Variants in DCAF8 observed in about 807,000 individuals in gnomAD.
The protein encoded by DCAF8 is DDB1- and CUL4-associated factor 8.
In DCAF8, 20 loss-of-function variants were observed where a neutral mutation model predicts 68.0. The ratio of observed to expected loss-of-function variants is 0.29; its 90% CI spans 0.21 to 0.43. The LOEUF (loss-of-function observed/expected upper bound fraction) is 0.43, where lower values mean the gene tolerates loss of function less well. DCAF8 is among the 20% of genes least tolerant of loss of function. The pLI, the probability that DCAF8 is intolerant of heterozygous loss-of-function variation, is 1.00. For synonymous variants in DCAF8, 230 were observed against 276.9 expected (o/e 0.83, Z 1.68); for missense variants, 460 against 771.0 (o/e 0.60, Z 4.78).
chr1:160,262,239 A>AG lies in DCAF8; in HGVS notation c.-101+209dup, dbSNP rs200282728. ...CTTAGGGGAAACCGGCTGGGAAGCG[A>AG]GGGGGGGCGCAGGCCGAGCCGGAAC... On this transcript the variant is annotated intron_variant, in intron 1 of 13. Transcript: ENST00000368074. 3.3e-3 allele frequency: 1,308 copies of AG among 395,272 alleles called. 37 individuals carry two copies. The East Asian group carries it at 0.045, about 14-fold the overall frequency. The allele number at this position is 395,272 out of a possible 1,614,324, so 24.5% of individuals were successfully genotyped here.
chr1:160,226,162 G>GCTA (rs1417415245), intron 7 of DCAF8, among the ~76,000 whole-genome samples: 2 of 152,072 alleles, frequency 1.3e-5, no homozygotes, highest in African/African-American at 4.8e-5. Flanking sequence ...ATCACATACT[G>GCTA]CTACTTTTCA....
intron 2 of DCAF8, among the ~76,000 whole-genome samples, chr1:160,253,935 C>T (rs1310788621): frequency 6.6e-6 from 1 of 152,104 alleles, no homozygotes; most frequent in African/African-American, 2.4e-5. Context: ...ACAGCTTTTC[C>T]CCTGGAATTA....
At chr1:160,258,450 G>A (rs1656925794) in intron 2 of DCAF8, among the ~76,000 whole-genome samples, 1 of 151,936 alleles carries the variant, frequency 6.6e-6, no homozygotes, top group Non-Finnish European at 1.5e-5. Context: ...TACCTAATAA[G>A]ATGTCACAAT....
intron 6 of DCAF8, among the ~76,000 whole-genome samples, chr1:160,236,290 GTATA>G (rs759614609): frequency 3.4e-5 from 5 of 146,124 alleles, no homozygotes; most frequent in East Asian, 2.0e-4. Context: ...ATACACGTAC[GTATA>G]TATATACATA....
chr1:160,222,886 A>G, intron 10 of DCAF8, 105 bp from the exon 11 acceptor site: 1 of 1,474,196 alleles, frequency 6.8e-7, no homozygotes, highest in Non-Finnish European at 9.3e-7. Context: ...AATCAGCTAG[A>G]TTATGCATGT....
rs1443698978 is a variant in DCAF8 at position 160,238,678 on chromosome 1, C to T, written c.793G>A (p.Ala265Thr). Residue 265 changes from alanine (A) to threonine (T), a missense_variant, in exon 5 of 14, where the codon GCA becomes ACA. By Grantham distance (58) the Ala-to-Thr change is moderately conservative (BLOSUM62 0). Around this residue, in one of 8 missense-constraint regions of DCAF8, gnomAD observed 170 missense variants for 318.2 expected, o/e 0.53. Transcript: ENST00000368074. ...CAACACTGTGTGGCAGACAGTTCTG[C>T]TACTCGAACCTGCCCGTCACGGGCA... is the stretch of plus-strand genomic sequence containing the variant. ...MCARDGQVRV[A>T]ELSATQCCKN... The T allele has an allele frequency of 6.2e-7, 1 of 1,613,840 alleles. No individual in the cohort carries two copies. Among genetic ancestry groups the T allele is most frequent in the Admixed American group, 1.7e-5 (1 of 59,976 alleles).
intron 9 of DCAF8, 75 bp from the exon 10 acceptor site, chr1:160,224,624 G>A (rs923430083): frequency 4.4e-5 from 52 of 1,181,444 alleles, no homozygotes; most frequent in Non-Finnish European, 6.1e-5. Flanking sequence ...GGTTGGGGTG[G>A]GGCTTCTTGC....
At chr1:160,253,521 G>A (rs1395621507) in intron 2 of DCAF8, among the ~76,000 whole-genome samples, 4 of 151,840 alleles carry the variant, frequency 2.6e-5, no homozygotes, top group Admixed American at 1.3e-4. Flanking sequence ...GGTGGCATAC[G>A]CCTGTGATTC....
intron 6 of DCAF8, among the ~76,000 whole-genome samples, chr1:160,236,289 C>CGT (rs1414284670): frequency 2.9e-4 from 43 of 149,858 alleles, no homozygotes; most frequent in African/African-American, 1.1e-3. Flanking sequence ...CATACACGTA[C>CGT]GTATATATAT....
intron 2 of DCAF8, among the ~76,000 whole-genome samples, chr1:160,257,387 C>T (rs1359168176): frequency 1.3e-5 from 2 of 152,050 alleles, no homozygotes; most frequent in African/African-American, 4.8e-5. Flanking sequence ...CTGGATATTT[C>T]CTAGACATGT....
chr1:160,222,537 G>T, intron 11 of DCAF8, 114 bp downstream of exon 11: 1 of 1,409,694 alleles, frequency 7.1e-7, no homozygotes, highest in Non-Finnish European at 9.7e-7. Context: ...TGGCTGGCTG[G>T]ACCTCTAAAA....
At chr1:160,250,599 C>T (rs986028339) in intron 2 of DCAF8, among the ~76,000 whole-genome samples, 2 of 151,718 alleles carry the variant, frequency 1.3e-5, no homozygotes, top group African/African-American at 4.8e-5. Flanking sequence ...CAAAAATGGT[C>T]AATATATCAT....
rs1293121701 is a variant in DCAF8, at chr1:160,261,349, C to T, written c.-91G>A. On this transcript the variant is annotated 5_prime_UTR_variant, in exon 2 of 14. Transcript: ENST00000368074. Reference sequence around the variant, plus strand: ...TCCTGAGAAAATAGGTCTGTAGATTCACTGAAGGACTGAGAAAAGTTAAAA... The same window carrying T: ...TCCTGAGAAAATAGGTCTGTAGATTTACTGAAGGACTGAGAAAAGTTAAAA... The T allele has an allele frequency of 1.3e-5, 2 of 152,206 alleles. No homozygotes were observed. Among genetic ancestry groups the T allele is most frequent in the Non-Finnish European group, 2.9e-5 (2 of 68,044 alleles). The allele number at this position is 152,206 out of a possible 1,614,324, so 9.4% of individuals were successfully genotyped here. A position where few individuals can be genotyped will look rare whatever the true frequency, so the allele number is the denominator to read the frequency against.
chr1:160,255,785 A>G (rs1006347286), intron 2 of DCAF8, among the ~76,000 whole-genome samples: 23 of 151,598 alleles, frequency 1.5e-4, no homozygotes, highest in African/African-American at 5.3e-4. Flanking sequence ...GCAGCTGGCT[A>G]ATTTTTATAT....
In DCAF8 at chr1:160,238,809, T is replaced by G; in HGVS notation, c.724-62A>C. On this transcript the variant is annotated intron_variant, in intron 4 of 13. Transcript: ENST00000368074. ...GAAATGAGAGAGGTAAACTTGAGAA[T>G]AAAAAATACGATGATGACCTCAACT... is the stretch of plus-strand genomic sequence containing the variant. The G allele has an allele frequency of 2.0e-6, 3 of 1,477,960 alleles. No homozygotes were observed. The South Asian group carries it at 4.0e-5, about 19-fold the overall frequency. The allele number at this position is 1,477,960 out of a possible 1,614,324, so 91.6% of individuals were successfully genotyped here. A position where few individuals can be genotyped will look rare whatever the true frequency, so the allele number is the denominator to read the frequency against.
At chr1:160,218,221 C>T (rs1290860522) in intron 13 of DCAF8, 103 bp downstream of exon 13, 25 of 863,630 alleles carry the variant, frequency 2.9e-5, no homozygotes, top group African/African-American at 1.8e-4. Context: ...ATAGGAAATC[C>T]GACCAAGATC....
intron 6 of DCAF8, among the ~76,000 whole-genome samples, chr1:160,235,187 AC>A (rs1335054371): frequency 6.6e-6 from 1 of 151,724 alleles, no homozygotes; most frequent in Non-Finnish European, 1.5e-5. Context: ...AGGCTGGAGT[AC>A]AGTGGCATGA....
intron 2 of DCAF8, among the ~76,000 whole-genome samples, chr1:160,248,859 C>T (rs929301767): frequency 2.6e-5 from 4 of 151,554 alleles, no homozygotes; most frequent in Admixed American, 2.6e-4. Flanking sequence ...CTGCTACTCA[C>T]TGCACTCCAG....
intron 2 of DCAF8, among the ~76,000 whole-genome samples, chr1:160,245,680 G>A (rs1350221958): frequency 6.6e-6 from 1 of 152,202 alleles, no homozygotes; most frequent in Non-Finnish European, 1.5e-5. Flanking sequence ...AAGAAAAATA[G>A]TGAGAAGCTG....
Sources: allele counts gnomAD v4.1 joint callset (sites outside exome capture counted in the v4.1 genomes callset), GRCh38; gene constraint gnomAD v4.1.1; regional missense constraint gnomAD v4.1.1; transcripts MANE v1.5; gene names NCBI Gene and HGNC (gene_info 2026-07-23, HGNC 2026-07-21).